BZW2: variants seen among roughly 807,000 people sequenced by gnomAD.
BZW2 encodes basic leucine zipper and W2 domains 2, also known as eIF5-mimic protein 1.
BZW2 carries 23 observed loss-of-function variants against 53.2 expected under a neutral mutation model. That is an observed-to-expected ratio of 0.43 (90% CI 0.31 to 0.61). The LOEUF (loss-of-function observed/expected upper bound fraction) is 0.61, where lower values mean the gene tolerates loss of function less well. Among genes scored for constraint, BZW2 ranks in the 20% least tolerant of loss-of-function variants. The probability of loss-of-function intolerance (pLI) is 0.09; values close to 1 mark genes in which losing one functional copy is unlikely to be tolerated. For missense variants in BZW2, 409 were observed against 503.1 expected (o/e 0.81, Z 1.79); for synonymous variants, 227 against 186.4 (o/e 1.22, Z -1.77).
intron 1 of BZW2, among the ~76,000 whole-genome samples, chr7:16,646,805 A>G (rs968139261): frequency 9.2e-5 from 14 of 152,294 alleles, no homozygotes; most frequent in African/African-American, 1.2e-4. Context: ...TGATCGCCCA[A>G]TGTTGCTTGT....
chr7:16,657,811 C>T lies in BZW2; in HGVS notation c.-7-7626C>T, dbSNP rs150139071. 3.5e-3 allele frequency among the ~76,000 whole-genome samples: 533 copies of T among 152,236 alleles called. 9 individuals are homozygous for T. The highest frequency in any genetic ancestry group is 0.019 in the Admixed American group (293 of 15,284). On this transcript the variant is annotated intron_variant, in intron 1 of 11. Transcript: ENST00000258761. ...ATTTTCAGCCCTTGAGAGCAGGGAC[C>T]ACCTCTGGCTTTGCTCACCATTGTT...
At chr7:16,647,779 AGT>A (rs1187933335) in intron 1 of BZW2, among the ~76,000 whole-genome samples, 1 of 152,228 alleles carries the variant, frequency 6.6e-6, no homozygotes, top group African/African-American at 2.4e-5. Context: ...AAAACAGTTG[AGT>A]GGTAACCTCC....
At chr7:16,697,290 T>C (rs1434246837) in intron 9 of BZW2, among the ~76,000 whole-genome samples, 1 of 152,162 alleles carries the variant, frequency 6.6e-6, no homozygotes, top group Non-Finnish European at 1.5e-5. Flanking sequence ...GTAGTCTCGC[T>C]GTGTTGCCCA....
At chr7:16,681,493 A>G in intron 4 of BZW2, 89 bp downstream of exon 4, 1 of 1,058,202 alleles carries the variant, frequency 9.4e-7, no homozygotes, top group African/African-American at 1.6e-5. Flanking sequence ...TTTAAATAGG[A>G]ATCTTAGAAA....
chr7:16,651,596 C>T (rs1781984715), intron 1 of BZW2, among the ~76,000 whole-genome samples: 1 of 152,070 alleles, frequency 6.6e-6, no homozygotes, highest in African/African-American at 2.4e-5. Flanking sequence ...GAAAAGGATG[C>T]GGTGTTAGTA....
chr7:16,663,668 A>G (rs1428084152), intron 1 of BZW2, among the ~76,000 whole-genome samples: 1 of 152,160 alleles, frequency 6.6e-6, no homozygotes, highest in Non-Finnish European at 1.5e-5. Context: ...GTTTGATGGT[A>G]TAAGTAATTA....
intron 1 of BZW2, among the ~76,000 whole-genome samples, chr7:16,657,395 T>C (rs1222956067): frequency 2.0e-5 from 3 of 152,220 alleles, no homozygotes; most frequent in African/African-American, 7.2e-5. Context: ...GAAATTAACA[T>C]TTTTAAGTCA....
rs758127553 is a variant in BZW2 at position 16,697,002 on chromosome 7, G to A, written c.910G>A (p.Ala304Thr). 39 of 1,614,024 alleles carry A rather than the reference G, an allele frequency of 2.4e-5. No individual in the cohort carries two copies. Among genetic ancestry groups the A allele is most frequent in the South Asian group, 8.8e-5 (8 of 91,086 alleles). Residue 304 changes from alanine to threonine, a missense_variant, in exon 9 of 12, where the codon GCT becomes ACT. Physicochemically the swap from Ala to Thr is moderately conservative, Grantham distance 58. Coordinates refer to ENST00000258761, the MANE Select transcript of BZW2 (RefSeq NM_014038.3). ...TCTTCTGTGGACATGTATAATGAAC[G>A]CTGTTGAGTGGAACAAGAAGGAAGA... is the stretch of plus-strand genomic sequence containing the variant. ...IGLLWTCIMN[A>T]VEWNKKEELV... is the part of the protein sequence containing the mutation.
intron 1 of BZW2, among the ~76,000 whole-genome samples, chr7:16,663,716 T>G (rs989502606): frequency 2.6e-5 from 4 of 152,148 alleles, no homozygotes; most frequent in Non-Finnish European, 5.9e-5. Context: ...ATCTAAAAGC[T>G]TTGGAAGGTA....
chr7:16,675,977 A>G (rs1020035879), intron 3 of BZW2, among the ~76,000 whole-genome samples: 5 of 152,250 alleles, frequency 3.3e-5, no homozygotes, highest in African/African-American at 9.6e-5. Flanking sequence ...GCTACTAGAG[A>G]TGCTGAGGCA....
chr7:16,670,456 A>G (rs1406674497), intron 2 of BZW2, among the ~76,000 whole-genome samples: 2 of 152,228 alleles, frequency 1.3e-5, no homozygotes, highest in African/African-American at 2.4e-5. Flanking sequence ...CACCTGAATC[A>G]ACATCCAACC....
At chr7:16,678,619 T>G (rs1415179146) in intron 3 of BZW2, among the ~76,000 whole-genome samples, 1 of 152,150 alleles carries the variant, frequency 6.6e-6, no homozygotes, top group Non-Finnish European at 1.5e-5. Context: ...ATATCAAACT[T>G]TTCAGTTTTA....
intron 4 of BZW2, 118 bp from the exon 5 acceptor site, chr7:16,682,662 C>T (rs1782985486): frequency 4.3e-6 from 2 of 461,470 alleles, no homozygotes; most frequent in Non-Finnish European, 7.4e-6. Flanking sequence ...ACAGTGTGAG[C>T]CTGTTTAACT....
At chr7:16,690,972 G>T (rs551471640) in intron 7 of BZW2, among the ~76,000 whole-genome samples, 59 of 152,154 alleles carry the variant, frequency 3.9e-4, no homozygotes, top group Non-Finnish European at 7.9e-4. Context: ...ATGTGTTTCA[G>T]TGTGCAAGGG....
chr7:16,648,747 C>A (rs1781924184), intron 1 of BZW2, among the ~76,000 whole-genome samples: 1 of 152,172 alleles, frequency 6.6e-6, no homozygotes, highest in Non-Finnish European at 1.5e-5. Flanking sequence ...GTTCCCCAAC[C>A]TGCCGGTAAT....
rs1399049868 is a variant in BZW2, at chr7:16,682,860, A to G, written c.405+15A>G. On this transcript the variant is annotated intron_variant, in intron 5 of 11. Coordinates refer to ENST00000258761, the MANE Select transcript of BZW2 (RefSeq NM_014038.3). ...AAATGAAAAAGGTAAAAATTCAAAT[A>G]TAATGCCTATCTGTTTTATAGTAAT... 7 of 1,524,410 alleles carry G rather than the reference A, an allele frequency of 4.6e-6. No homozygotes were observed. Among genetic ancestry groups the G allele is most frequent in the Non-Finnish European group, 5.4e-6 (6 of 1,111,166 alleles). 94.4% of individuals were successfully genotyped at this position (1,524,410 alleles called of 1,614,324 possible).
At chr7:16,695,634 T>C (rs1034140081) in intron 8 of BZW2, among the ~76,000 whole-genome samples, 2 of 152,184 alleles carry the variant, frequency 1.3e-5, no homozygotes, top group Admixed American at 1.3e-4. Context: ...TTATTTTTAG[T>C]GTATCTGGAG....
At chr7:16,674,307 G>GT (rs1325272487) in intron 2 of BZW2, 105 bp from the exon 3 acceptor site, 1 of 743,444 alleles carries the variant, frequency 1.3e-6, no homozygotes, top group East Asian at 2.9e-5. Flanking sequence ...ATGCTCTGTG[G>GT]ATTTTTTTTT....
At chr7:16,671,051 A>G (rs1348842708) in intron 2 of BZW2, among the ~76,000 whole-genome samples, 1 of 152,184 alleles carries the variant, frequency 6.6e-6, no homozygotes, top group East Asian at 1.9e-4. Context: ...ATATGGTTTT[A>G]AAATGTAGTT....
Sources: gnomAD v4.1 joint callset for allele counts (sites outside exome capture counted in the v4.1 genomes callset) on GRCh38, gnomAD v4.1.1 for gene constraint, MANE v1.5 for transcripts, NCBI Gene and HGNC (gene_info 2026-07-23, HGNC 2026-07-21) for gene names.